Variants in UBAP1 observed in about 807,000 individuals in gnomAD.
The protein encoded by UBAP1 is ubiquitin associated protein 1.
A neutral mutation model predicts 39.0 loss-of-function variants in UBAP1; 5 were observed. That is an observed-to-expected ratio of 0.13 (90% CI 0.07 to 0.27). The LOEUF (loss-of-function observed/expected upper bound fraction) is 0.27. Ranked by LOEUF, UBAP1 falls within the 10% of genes least tolerant of loss-of-function variation. The probability of loss-of-function intolerance (pLI) is 1.00; values close to 1 mark genes in which losing one functional copy is unlikely to be tolerated. For synonymous variants in UBAP1, 211 were observed against 225.1 expected, an observed-to-expected ratio of 0.94 and a Z score of 0.56; for missense variants, 490 against 608.1, an observed-to-expected ratio of 0.81 and a Z score of 2.04.
chr9:34,196,353 T>C (rs1008958470), intron 1 of UBAP1, among the ~76,000 whole-genome samples: 1 of 151,586 alleles, frequency 6.6e-6, no homozygotes, highest in African/African-American at 2.4e-5. Flanking sequence ...TTCACTCTTA[T>C]TGCCCAGGCT....
At chr9:34,233,063 T>G (rs1833508942) in intron 2 of UBAP1, among the ~76,000 whole-genome samples, 1 of 152,196 alleles carries the variant, frequency 6.6e-6, no homozygotes, top group African/African-American at 2.4e-5. Flanking sequence ...TGTAGGAGAT[T>G]AAAGCAGCTC....
At chr9:34,200,563 G>A (rs1248123759) in intron 1 of UBAP1, among the ~76,000 whole-genome samples, 1 of 152,140 alleles carries the variant, frequency 6.6e-6, no homozygotes, top group Non-Finnish European at 1.5e-5. Context: ...AGAATTTGTA[G>A]CATTTAGAGC....
At chr9:34,180,722 T>C (rs1026121947) in intron 1 of UBAP1, among the ~76,000 whole-genome samples, 4 of 152,162 alleles carry the variant, frequency 2.6e-5, no homozygotes, top group Non-Finnish European at 5.9e-5. Flanking sequence ...AATGTTTCTT[T>C]AGTGAGTGAC....
intron 1 of UBAP1, 147 bp from the exon 2 acceptor site, chr9:34,220,761 A>G: frequency 1.6e-6 from 1 of 628,666 alleles, no homozygotes; most frequent in South Asian, 2.0e-5. Context: ...CAGTGCCTGG[A>G]TCTTTTTTTT....
chr9:34,222,967 C>T (rs1178898654), intron 2 of UBAP1, among the ~76,000 whole-genome samples: 1 of 152,144 alleles, frequency 6.6e-6, no homozygotes, highest in African/African-American at 2.4e-5. Flanking sequence ...GAAAAATTTA[C>T]ACTTATTTCA....
At chr9:34,204,872 A>C (rs907684073) in intron 1 of UBAP1, among the ~76,000 whole-genome samples, 9 of 152,160 alleles carry the variant, frequency 5.9e-5, no homozygotes, top group African/African-American at 2.2e-4. Context: ...CAGTTGCAAG[A>C]ATTAAATTGA....
chr9:34,250,104 A>T, intron 5 of UBAP1, 143 bp downstream of exon 5: 1 of 832,852 alleles, frequency 1.2e-6, no homozygotes, highest in South Asian at 1.8e-5. Context: ...TTTTGGGGAA[A>T]GCCAGCAGCC....
At chr9:34,219,710 C>A (rs1832558046) in intron 1 of UBAP1, among the ~76,000 whole-genome samples, 1 of 86,722 alleles carries the variant, frequency 1.2e-5, no homozygotes, top group Non-Finnish European at 2.5e-5. Flanking sequence ...CCTCTCCTCT[C>A]CCCTCCCTTC....
chr9:34,200,466 T>C (rs1345542022), intron 1 of UBAP1, among the ~76,000 whole-genome samples: 6 of 152,224 alleles, frequency 3.9e-5, no homozygotes, highest in African/African-American at 1.2e-4. Context: ...TTAGTGCTAT[T>C]ACGGTTTTAT....
chr9:34,183,911 C>T (rs1170711965), intron 1 of UBAP1, among the ~76,000 whole-genome samples: 1 of 151,860 alleles, frequency 6.6e-6, no homozygotes, highest in Non-Finnish European at 1.5e-5. Context: ...GCTGGAATTA[C>T]AGGCATGTGC....
At chr9:34,205,146 A>G (rs1831615389) in intron 1 of UBAP1, among the ~76,000 whole-genome samples, 3 of 152,034 alleles carry the variant, frequency 2.0e-5, no homozygotes, top group South Asian at 4.1e-4. Flanking sequence ...CCTCCTGAGT[A>G]GCTGGGACTA....
intron 1 of UBAP1, among the ~76,000 whole-genome samples, chr9:34,191,057 C>T (rs1322794254): frequency 6.6e-6 from 1 of 152,048 alleles, no homozygotes; most frequent in African/African-American, 2.4e-5. Flanking sequence ...AGGTGCAGTT[C>T]TAATTTGAGA....
chr9:34,209,949 T>C (rs1831925240), intron 1 of UBAP1, among the ~76,000 whole-genome samples: 1 of 152,210 alleles, frequency 6.6e-6, no homozygotes, highest in African/African-American at 2.4e-5. Flanking sequence ...CTTATCCTTA[T>C]TTGTTTCCAT....
intron 2 of UBAP1, among the ~76,000 whole-genome samples, chr9:34,229,280 T>A (rs1833281901): frequency 6.6e-6 from 1 of 151,124 alleles, no homozygotes; most frequent in Non-Finnish European, 1.5e-5. Context: ...TTTTTTGAGA[T>A]GGAGTCTTGT....
At chr9:34,242,948 A>G (rs987437764) in intron 4 of UBAP1, among the ~76,000 whole-genome samples, 1 of 152,210 alleles carries the variant, frequency 6.6e-6, no homozygotes, top group Non-Finnish European at 1.5e-5. Flanking sequence ...TGGTAAAAAG[A>G]TACAAAATCT....
Position 34,241,390 on chromosome 9 carries a change from C to T in UBAP1, c.365C>T (p.Ala122Val). 2 of 1,564,660 alleles carry T rather than the reference C, an allele frequency of 1.3e-6. No individual in the cohort carries two copies. Among genetic ancestry groups the T allele is most frequent in the African/African-American group, 2.7e-5 (2 of 73,730 alleles). The change falls in exon 4 of 7, where the codon GCC becomes GTC. Residue 122 changes from alanine to valine, a missense_variant. Transcript: ENST00000297661. ...CCACCTCCTATTAACCCCATCCTCGCCAGCTTGCAGCACAACAGCATCCTC... is the reference window on the plus strand; with the variant it reads ...CCACCTCCTATTAACCCCATCCTCGTCAGCTTGCAGCACAACAGCATCCTC... The part of the protein sequence containing the change: ...TMPPPINPIL[A>V]SLQHNSILTP...
chr9:34,213,853 C>T (rs1832150029), intron 1 of UBAP1, among the ~76,000 whole-genome samples: 1 of 151,682 alleles, frequency 6.6e-6, no homozygotes, highest in South Asian at 2.1e-4. Context: ...GTACACAAAT[C>T]AGAAGCTCTT....
intron 2 of UBAP1, among the ~76,000 whole-genome samples, chr9:34,231,004 C>G (rs1488506457): frequency 6.6e-6 from 1 of 151,540 alleles, no homozygotes; most frequent in Non-Finnish European, 1.5e-5. Context: ...ATAATGAGAC[C>G]CTGTCTTAGC....
chr9:34,193,405 A>T (rs1830845374), intron 1 of UBAP1, among the ~76,000 whole-genome samples: 1 of 152,072 alleles, frequency 6.6e-6, no homozygotes, highest in South Asian at 2.1e-4. Context: ...ATCAACACAG[A>T]ACACATCTGT....
Sources: gnomAD v4.1 joint callset for allele counts (sites outside exome capture counted in the v4.1 genomes callset) on GRCh38, gnomAD v4.1.1 for gene constraint, MANE v1.5 for transcripts, NCBI Gene and HGNC (gene_info 2026-07-23, HGNC 2026-07-21) for gene names.